The following STK32B variants were observed in gnomAD, a reference collection of about 807,000 sequenced individuals.
STK32B encodes the protein serine/threonine-protein kinase 32B.
A neutral mutation model predicts 52.6 loss-of-function variants in STK32B; 43 were observed. The observed-to-expected ratio is 0.82, with a 90% CI of 0.64 to 1.05. The LOEUF (loss-of-function observed/expected upper bound fraction) is 1.05. STK32B is among the 50% of genes least tolerant of loss of function. STK32B has a pLI of 0.00. For synonymous variants in STK32B, 238 were observed against 204.3 expected (o/e 1.17, Z -1.41); for missense variants, 621 against 534.6 (o/e 1.16, Z -1.59).
At position 5,140,060 on chromosome 4, in the gene STK32B, T is replaced by C. The variant is rs146983915; in HGVS notation, c.108+100T>C. The C allele has an allele frequency of 4.8e-4, 722 of 1,518,332 alleles. 4 individuals carry two copies. In the African/African-American group the frequency reaches 8.6e-3, roughly 18 times the overall value. The allele number at this position is 1,518,332 out of a possible 1,614,324, so 94.1% of individuals were successfully genotyped here. A position where few individuals can be genotyped will look rare whatever the true frequency, so the allele number is the denominator to read the frequency against. ...GCACTGGGAATGTTCTGTTTGACAG[T>C]AAGATTTCGACTTGACAAACTTGAA... is the stretch of plus-strand genomic sequence containing the variant. On this transcript the variant is annotated intron_variant, in intron 2 of 11. Transcript: ENST00000282908.
chr4:5,334,192 T>G (rs149911402), intron 4 of STK32B, among the ~76,000 whole-genome samples: 2 of 151,976 alleles, frequency 1.3e-5, no homozygotes, highest in African/African-American at 4.8e-5. Flanking sequence ...AGGTCCTTCA[T>G]GTCCCTTGTA....
intron 1 of STK32B, among the ~76,000 whole-genome samples, chr4:5,069,537 A>C (rs1161036390): frequency 6.6e-6 from 1 of 152,164 alleles, no homozygotes; most frequent in East Asian, 1.9e-4. Context: ...CAGACTCTGA[A>C]GCTGCATTGC....
intron 2 of STK32B, among the ~76,000 whole-genome samples, chr4:5,163,328 A>T (rs1077365): frequency 0.27 from 41,205 of 152,032 alleles, 5,824 homozygotes; most frequent in Admixed American, 0.36. Flanking sequence ...GGGGATTTAT[A>T]ATACAGTGTG....
chr4:5,164,805 G>A (rs1718743036), intron 2 of STK32B, among the ~76,000 whole-genome samples: 1 of 152,214 alleles, frequency 6.6e-6, no homozygotes, highest in African/African-American at 2.4e-5. Flanking sequence ...GTGACTCTGT[G>A]ACTCCCTGGA....
At chr4:5,287,763 T>C (rs1034000890) in intron 3 of STK32B, among the ~76,000 whole-genome samples, 3 of 152,162 alleles carry the variant, frequency 2.0e-5, no homozygotes, top group African/African-American at 7.2e-5. Flanking sequence ...AAAAGTTTTA[T>C]TGAGATATAA....
rs563930091 is a variant in STK32B, at chr4:5,164,665, C to T, written c.109-3634C>T. Among the ~76,000 whole-genome samples, 4 of 152,318 alleles carry T rather than the reference C, an allele frequency of 2.6e-5. No individual in the cohort carries two copies. In the East Asian group the frequency reaches 7.7e-4, roughly 29 times the overall value. ...CTGCTAGCTTTACACTGTATTATCA[C>T]AGGGTGAACAGCAGGATCTCCGATG... On this transcript the variant is annotated intron_variant, in intron 2 of 11. Coordinates refer to ENST00000282908, the MANE Select transcript of STK32B (RefSeq NM_018401.3).
rs141916237 is a variant in STK32B at position 5,344,565 on chromosome 4, T to G, written c.434+13172T>G. On this transcript the variant is annotated intron_variant, in intron 4 of 11. Transcript: ENST00000282908. ...TTTGCCTTGGAGTTGCTGATTCCAGTCTTGGGAAAATATCTGCTTATTAAA... is the reference window on the plus strand; with the variant it reads ...TTTGCCTTGGAGTTGCTGATTCCAGGCTTGGGAAAATATCTGCTTATTAAA... Among the ~76,000 whole-genome samples the G allele has an allele frequency of 7.9e-4, 120 of 152,306 alleles. 1 individual carries two copies. Among genetic ancestry groups the G allele is most frequent in the African/African-American group, 2.5e-3 (104 of 41,580 alleles).
intron 3 of STK32B, among the ~76,000 whole-genome samples, chr4:5,272,686 G>A (rs867375415): frequency 0.012 from 1,745 of 151,596 alleles, 22 homozygotes; most frequent in South Asian, 0.056. Flanking sequence ...AAATAACGCC[G>A]CCTACCTACA....
Position 5,344,241 on chromosome 4 carries a change from C to T in STK32B, c.434+12848C>T, listed in dbSNP as rs1733298112. The stretch of plus-strand genomic sequence containing the variant: ...TTTGAATAAAGCACTGATCTAAATA[C>T]TAATCAAAGTGGGTTTGGTACATTT... On this transcript the variant is annotated intron_variant, in intron 4 of 11. Coordinates refer to ENST00000282908, the MANE Select transcript of STK32B (RefSeq NM_018401.3). Among the ~76,000 whole-genome samples, 4 of 152,290 alleles carry T rather than the reference C, an allele frequency of 2.6e-5. No individual in the cohort carries two copies. In the South Asian group the frequency reaches 8.3e-4, roughly 32 times the overall value.
At chr4:5,176,852 G>T (rs1362956570) in intron 3 of STK32B, among the ~76,000 whole-genome samples, 1 of 152,164 alleles carries the variant, frequency 6.6e-6, no homozygotes, top group African/African-American at 2.4e-5. Flanking sequence ...AAAATTATCT[G>T]CAAATGTCAG....
intron 6 of STK32B, among the ~76,000 whole-genome samples, chr4:5,443,297 C>T (rs1435054072): frequency 3.3e-5 from 5 of 149,570 alleles, no homozygotes; most frequent in Non-Finnish European, 5.9e-5. Context: ...GGAGGCTTTG[C>T]TCGTTTCTTT....
intron 3 of STK32B, among the ~76,000 whole-genome samples, chr4:5,207,283 A>T (rs985755975): frequency 1.3e-5 from 2 of 152,102 alleles, no homozygotes; most frequent in African/African-American, 4.8e-5. Flanking sequence ...CATAATCCCC[A>T]TGTGTCATGA....
intron 1 of STK32B, among the ~76,000 whole-genome samples, chr4:5,085,581 A>G (rs1163614375): frequency 1.3e-5 from 2 of 152,208 alleles, no homozygotes; most frequent in Non-Finnish European, 2.9e-5. Context: ...ACTATGTTCA[A>G]AACAAACACC....
intron 6 of STK32B, among the ~76,000 whole-genome samples, chr4:5,440,913 A>T (rs1302041026): frequency 6.6e-6 from 1 of 150,898 alleles, no homozygotes; most frequent in Non-Finnish European, 1.5e-5. Flanking sequence ...ACATTTATTG[A>T]TTTGTGTATA....
intron 3 of STK32B, among the ~76,000 whole-genome samples, chr4:5,292,229 T>A (rs544975892): frequency 6.6e-6 from 1 of 152,286 alleles, no homozygotes; most frequent in African/African-American, 2.4e-5. Context: ...AATTGCTTTC[T>A]ATGGGAACTG....
intron 3 of STK32B, among the ~76,000 whole-genome samples, chr4:5,283,383 TGAAAGAGAA>T (rs1333681771): frequency 1.3e-5 from 2 of 152,088 alleles, no homozygotes; most frequent in Admixed American, 1.3e-4. Context: ...AAGATGTTCC[TGAAAGAGAA>T]GAAAGAGAAA....
At chr4:5,167,106 A>C (rs1718935474) in intron 2 of STK32B, among the ~76,000 whole-genome samples, 1 of 151,734 alleles carries the variant, frequency 6.6e-6, no homozygotes, top group African/African-American at 2.4e-5. Context: ...CTCTTCCTTC[A>C]CCCTTACCAT....
chr4:5,485,549 G>A (rs1404612912), intron 11 of STK32B, among the ~76,000 whole-genome samples: 7 of 152,010 alleles, frequency 4.6e-5, no homozygotes, highest in South Asian at 2.1e-4. Context: ...CCTTTAGCTC[G>A]GAGTTGTTTG....
chr4:5,454,084 T>C (rs1258375392), intron 7 of STK32B, among the ~76,000 whole-genome samples: 1 of 152,112 alleles, frequency 6.6e-6, no homozygotes, highest in Non-Finnish European at 1.5e-5. Context: ...CCTCTCTTTA[T>C]TGCCCATCTC....
Sources: gnomAD v4.1 joint callset for allele counts (sites outside exome capture counted in the v4.1 genomes callset) on GRCh38, gnomAD v4.1.1 for gene constraint, MANE v1.5 for transcripts, NCBI Gene and HGNC (gene_info 2026-07-23, HGNC 2026-07-21) for gene names.